Variants in GALNT16 observed in about 807,000 individuals in gnomAD.
GALNT16 encodes the protein polypeptide N-acetylgalactosaminyltransferase 16, also known as UDP-GalNAc:polypeptide N-acetylgalactosaminyltransferase-like protein 1.
In GALNT16, 40 loss-of-function variants were observed where a neutral mutation model predicts 76.1. The observed-to-expected ratio is 0.53, with a 90% CI of 0.41 to 0.68. The LOEUF (loss-of-function observed/expected upper bound fraction) is 0.68, where lower values mean the gene tolerates loss of function less well. Ranked by LOEUF, GALNT16 falls within the 30% of genes least tolerant of loss-of-function variation. The probability of loss-of-function intolerance (pLI) is 0.00; values close to 1 mark genes in which losing one functional copy is unlikely to be tolerated. For synonymous variants in GALNT16, 276 were observed against 285.2 expected, an observed-to-expected ratio of 0.97 and a Z score of 0.32; for missense variants, 621 against 731.9, an observed-to-expected ratio of 0.85 and a Z score of 1.75.
chr14:69,348,846 A>C (rs1424135373), intron 14 of GALNT16: 1 of 152,268 alleles, frequency 6.6e-6, no homozygotes, highest in Non-Finnish European at 1.5e-5. Context: ...CTCACCACCC[A>C]GGGAATGGGA....
intron 2 of GALNT16, among the ~76,000 whole-genome samples, chr14:69,322,203 G>A (rs1233512953): frequency 6.6e-6 from 1 of 152,246 alleles, no homozygotes; most frequent in Admixed American, 6.5e-5. Context: ...CTGCTTCGCG[G>A]CAAGGACACC....
Position 69,260,483 on chromosome 14 carries a change from G to A in GALNT16, c.177+16G>A. The A allele has an allele frequency of 7.3e-7, 1 of 1,366,936 alleles. No homozygotes were observed. Among genetic ancestry groups the A allele is most frequent in the Non-Finnish European group, 9.4e-7 (1 of 1,061,206 alleles). 84.7% of individuals were successfully genotyped at this position (1,366,936 alleles called of 1,614,324 possible). A position where few individuals can be genotyped will look rare whatever the true frequency, so the allele number is the denominator to read the frequency against. On this transcript the variant is annotated intron_variant, in intron 1 of 14. Coordinates refer to ENST00000448469, the MANE Select transcript of GALNT16 (RefSeq NM_001168368.2). ...CCCGCTCATTGTGAGTACGCCCCGA[G>A]CGTCGGCCGGCCGGCTAGGGAGCCG...
Position 69,331,553 on chromosome 14 carries a change from T to A in GALNT16, c.778+2T>A. ...CAGCATCTGCTGACCTTCGTGGAGG[T>A]GAGTTCTGCTCCCGGGGGTGGGGCT... is the stretch of plus-strand genomic sequence containing the variant. On this transcript the variant is annotated splice_donor_variant, in intron 7 of 14. Transcript: ENST00000448469. LOFTEE classifies it high-confidence loss of function. 2 of 1,566,196 alleles carry A rather than the reference T, an allele frequency of 1.3e-6. No individual in the cohort carries two copies. Among genetic ancestry groups the A allele is most frequent in the Non-Finnish European group, 1.8e-6 (2 of 1,136,390 alleles).
chr14:69,380,719 C>T, the GALNT16 span: 2 of 778,446 alleles, frequency 2.6e-6, no homozygotes, highest in South Asian at 1.5e-5. Context: ...TATAACTGCC[C>T]AATGATGGCA....
rs201815535 is a variant in GALNT16, at chr14:69,347,862, C to T, written c.1414-15C>T. 4.0e-5 allele frequency: 65 copies of T among 1,612,142 alleles called. 1 individual carries two copies. In the East Asian group the frequency reaches 1.4e-3, roughly 35 times the overall value. Reference sequence around the variant, plus strand: ...TGTACTTTTTGACTTGGCCTTTCTGCTCCCTGCCTTGCAGGCATGGCTGTT... The same window carrying T: ...TGTACTTTTTGACTTGGCCTTTCTGTTCCCTGCCTTGCAGGCATGGCTGTT... On this transcript the variant is annotated splice_polypyrimidine_tract_variant and intron_variant, in intron 13 of 14. Coordinates refer to ENST00000448469, the MANE Select transcript of GALNT16 (RefSeq NM_001168368.2).
At chr14:69,276,717 T>A (rs1406018899) in intron 1 of GALNT16, among the ~76,000 whole-genome samples, 1 of 151,724 alleles carries the variant, frequency 6.6e-6, no homozygotes, top group Admixed American at 6.6e-5. Flanking sequence ...TTGAAGCAAA[T>A]CTAACAAAAT....
chr14:69,290,306 G>T (rs1184341445), intron 1 of GALNT16, among the ~76,000 whole-genome samples: 1 of 152,196 alleles, frequency 6.6e-6, no homozygotes, highest in Non-Finnish European at 1.5e-5. Flanking sequence ...CCCAGGAGAA[G>T]GACCCTTTGC....
chr14:69,347,121 T>C lies in GALNT16; in HGVS notation c.1353T>C (p.Gly451=). 1 of 1,613,794 alleles carries C rather than the reference T, an allele frequency of 6.2e-7. No individual in the cohort carries two copies. The highest frequency in any genetic ancestry group is 1.3e-5 in the African/African-American group (1 of 74,986). Residue 451 remains glycine (G), a synonymous_variant, in exon 13 of 15, where the codon GGT becomes GGC. Coordinates refer to ENST00000448469, the MANE Select transcript of GALNT16 (RefSeq NM_001168368.2). Reference sequence around the variant, plus strand: ...AATCTCAGGGCCAGAACACAGCTGGTGACTTCCTGCTTGGAATGGGGATCT... The same window carrying C: ...AATCTCAGGGCCAGAACACAGCTGGCGACTTCCTGCTTGGAATGGGGATCT... ...CLESQGQNTA[G]DFLLGMGICR...
chr14:69,375,894 C>A, the GALNT16 span, among the ~76,000 whole-genome samples: 93 of 152,348 alleles, frequency 6.1e-4, 1 homozygote, highest in African/African-American at 2.1e-3. Context: ...CTGCCTTGGC[C>A]TCCCAAAGTG....
At chr14:69,344,786 C>T (rs895117648) in intron 12 of GALNT16, among the ~76,000 whole-genome samples, 3 of 152,176 alleles carry the variant, frequency 2.0e-5, no homozygotes, top group African/African-American at 4.8e-5. Flanking sequence ...CCCTGGCCCT[C>T]GTGCTGTATT....
intron 6 of GALNT16, among the ~76,000 whole-genome samples, chr14:69,329,859 C>T (rs753563837): frequency 3.9e-5 from 6 of 152,080 alleles, no homozygotes; most frequent in South Asian, 2.1e-4. Flanking sequence ...AAGCCATGAA[C>T]GATCCACCCC....
intron 1 of GALNT16, among the ~76,000 whole-genome samples, chr14:69,288,488 C>T (rs940539029): frequency 6.6e-6 from 1 of 152,212 alleles, no homozygotes; most frequent in African/African-American, 2.4e-5. Context: ...AACAGCGGCT[C>T]TCCCACCAGT....
chr14:69,279,276 A>C (rs997632868), intron 1 of GALNT16, among the ~76,000 whole-genome samples: 5 of 152,136 alleles, frequency 3.3e-5, no homozygotes, highest in African/African-American at 9.7e-5. Flanking sequence ...AATTTTTTGC[A>C]TTAATTTTGA....
At chr14:69,361,537 T>C (rs1206122692), downstream of GALNT16, among the ~76,000 whole-genome samples, 1 of 152,200 alleles carries the variant, frequency 6.6e-6, no homozygotes, top group Non-Finnish European at 1.5e-5. Flanking sequence ...GTTATCCCCA[T>C]GTTGCACTTG....
At chr14:69,374,858 G>GC in the GALNT16 span, among the ~76,000 whole-genome samples, 1 of 152,202 alleles carries the variant, frequency 6.6e-6, no homozygotes, top group Admixed American at 6.5e-5. Context: ...AAGGCAGAAA[G>GC]CAAGAAAGAG....
At chr14:69,274,081 C>G (rs964941536) in intron 1 of GALNT16, among the ~76,000 whole-genome samples, 4 of 152,208 alleles carry the variant, frequency 2.6e-5, no homozygotes, top group Admixed American at 2.0e-4. Context: ...GTTACTTAAG[C>G]ATTCCATGCC....
In GALNT16 at chr14:69,260,395, C is replaced by G; in HGVS notation, c.105C>G (p.Ser35=). The G allele has an allele frequency of 1.2e-6, 2 of 1,606,756 alleles. No individual in the cohort carries two copies. Among genetic ancestry groups the G allele is most frequent in the Non-Finnish European group, 1.7e-6 (2 of 1,176,384 alleles). ...ACAACCGAGCCCACGCAGCATCCTC[C>G]GGCGGCCGGGGCGCGCAGAGGGCAG... is the stretch of plus-strand genomic sequence containing the variant. ...WQDNRAHAAS[S]GGRGAQRAGR... The change falls in exon 1 of 15, where the codon TCC becomes TCG. Residue 35 remains serine (S), a synonymous_variant. Transcript: ENST00000448469.
rs766188989 is a variant in GALNT16, at chr14:69,322,925, G to GGTGTGTGTGT, written c.336-1719_336-1710dup. Among the ~76,000 whole-genome samples the GGTGTGTGTGT allele has an allele frequency of 3.6e-3, 379 of 103,838 alleles. 4 individuals carry two copies. Among genetic ancestry groups the GGTGTGTGTGT allele is most frequent in the Non-Finnish European group, 5.3e-3 (291 of 54,508 alleles). The allele number at this position is 103,838 out of a possible 152,430, so 68.1% of individuals were successfully genotyped here. A position where few individuals can be genotyped will look rare whatever the true frequency, so the allele number is the denominator to read the frequency against. On this transcript the variant is annotated intron_variant, in intron 2 of 14. Transcript: ENST00000448469. ...AAAAGAAAGCTGAGGTGGCTCACGG[G>GGTGTGTGTGT]GTGTGTGTGTGTGTGTGTGTGTGTG...
intron 1 of GALNT16, among the ~76,000 whole-genome samples, chr14:69,311,686 T>C (rs754913431): frequency 7.2e-5 from 11 of 152,236 alleles, no homozygotes; most frequent in Non-Finnish European, 1.3e-4. Flanking sequence ...TAATGTGCCA[T>C]ATCGGCCACT....
Sources: gnomAD v4.1 joint callset for allele counts (sites outside exome capture counted in the v4.1 genomes callset) on GRCh38, gnomAD v4.1.1 for gene constraint, MANE v1.5 for transcripts, NCBI Gene and HGNC (gene_info 2026-07-23, HGNC 2026-07-21) for gene names.